Variants in MRC1 observed in about 807,000 individuals in gnomAD.
The protein encoded by MRC1 is mannose receptor C-type 1, also known as macrophage mannose receptor 1.
A neutral mutation model predicts 102.9 loss-of-function variants in MRC1; 62 were observed. That is an observed-to-expected ratio of 0.60 (90% CI 0.49 to 0.74). The LOEUF (loss-of-function observed/expected upper bound fraction) is 0.74. Among genes scored for constraint, MRC1 ranks in the 30% least tolerant of loss-of-function variants. The probability of loss-of-function intolerance (pLI) is 0.00; values close to 1 mark genes in which losing one functional copy is unlikely to be tolerated. For synonymous variants in MRC1, 457 were observed against 298.4 expected (o/e 1.53, Z -5.48); for missense variants, 1,237 against 862.8 (o/e 1.43, Z -5.43).
At chr10:17,874,408 A>G (rs935019862) in intron 16 of MRC1, among the ~76,000 whole-genome samples, 1 of 152,170 alleles carries the variant, frequency 6.6e-6, no homozygotes, top group East Asian at 1.9e-4. Flanking sequence ...GCCCCTCTGC[A>G]TAAGGATACT....
Position 17,829,679 on chromosome 10 carries a change from G to A in MRC1, c.637+1964G>A, listed in dbSNP as rs1283347560. 5.3e-5 allele frequency among the ~76,000 whole-genome samples: 8 copies of A among 151,612 alleles called. No individual in the cohort carries two copies. In the East Asian group the frequency reaches 1.5e-3, roughly 29 times the overall value. On this transcript the variant is annotated intron_variant, in intron 3 of 29. Coordinates refer to ENST00000569591, the MANE Select transcript of MRC1 (RefSeq NM_002438.4). ...AGTGTCTTTCTCCTTTACTTAATAGGAATGATATTTTCTTAATCTGTTTCA... is the reference window on the plus strand; with the variant it reads ...AGTGTCTTTCTCCTTTACTTAATAGAAATGATATTTTCTTAATCTGTTTCA...
chr10:17,886,081 A>G (rs1184991319), intron 22 of MRC1, among the ~76,000 whole-genome samples: 2 of 152,148 alleles, frequency 1.3e-5, no homozygotes, highest in Non-Finnish European at 2.9e-5. Context: ...AGTCTTATAT[A>G]AGAAGGAAGA....
chr10:17,867,373 T>C (rs1394880618), intron 12 of MRC1, among the ~76,000 whole-genome samples: 1 of 141,456 alleles, frequency 7.1e-6, no homozygotes, highest in Non-Finnish European at 1.5e-5. Flanking sequence ...TCCTTCTTCT[T>C]CTTCTTCTTC....
chr10:17,813,700 A>ATATATATATATAT (rs1401200082), intron 1 of MRC1, among the ~76,000 whole-genome samples: 25 of 125,690 alleles, frequency 2.0e-4, no homozygotes, highest in Middle Eastern at 8.1e-3. Flanking sequence ...ATATATATAT[A>ATATATATATATAT]TTTTTTTTTT....
intron 9 of MRC1, among the ~76,000 whole-genome samples, chr10:17,858,874 A>G (rs1166898210): frequency 1.3e-5 from 2 of 152,226 alleles, no homozygotes; most frequent in African/African-American, 4.8e-5. Flanking sequence ...AAAGTGACCC[A>G]TCATTAGTTT....
chr10:17,819,235 C>T (rs1371635308), intron 1 of MRC1, among the ~76,000 whole-genome samples: 1 of 152,080 alleles, frequency 6.6e-6, no homozygotes, highest in Admixed American at 6.6e-5. Context: ...CAGTGAAGAC[C>T]ACCTATTATA....
chr10:17,861,427 A>G lies in MRC1; in HGVS notation c.1559A>G (p.His520Arg), dbSNP rs1833182640. The G allele has an allele frequency of 2.3e-6, 2 of 872,452 alleles. No individual in the cohort carries two copies. The highest frequency in any genetic ancestry group is 2.4e-5 in the East Asian group (1 of 41,638). The allele number at this position is 872,452 out of a possible 1,614,324, so 54.0% of individuals were successfully genotyped here. Reference protein sequence around the residue: ...KHHFYCYMIGHTLSTFAEANQ... With the variant: ...KHHFYCYMIGRTLSTFAEANQ... ...CACTTTTACTGCTATATGATTGGACATACGCTTTCAACATTTGCAGAAGCA... is the reference window on the plus strand; with the variant it reads ...CACTTTTACTGCTATATGATTGGACGTACGCTTTCAACATTTGCAGAAGCA... Residue 520 changes from histidine to arginine, a missense_variant, in exon 10 of 30, where the codon CAT (histidine) becomes CGT (arginine). Coordinates refer to ENST00000569591, the MANE Select transcript of MRC1 (RefSeq NM_002438.4).
intron 7 of MRC1, among the ~76,000 whole-genome samples, chr10:17,851,955 T>C (rs937341332): frequency 1.1e-4 from 17 of 152,348 alleles, no homozygotes; most frequent in Non-Finnish European, 1.9e-4. Context: ...CAACATCATC[T>C]TTACAATACT....
chr10:17,908,766 A>G (rs987110906), intron 28 of MRC1, among the ~76,000 whole-genome samples: 17 of 151,992 alleles, frequency 1.1e-4, no homozygotes, highest in African/African-American at 3.6e-4. Flanking sequence ...ATGGGGTTTC[A>G]CTATGTTGGC....
intron 29 of MRC1, 72 bp downstream of exon 29, chr10:17,909,419 C>A (rs1833939358): frequency 7.5e-6 from 6 of 801,218 alleles, no homozygotes; most frequent in South Asian, 2.8e-5. Context: ...AAGGCATAAT[C>A]ATAATCCCTT....
At chr10:17,825,566 C>A (rs1838463008) in intron 2 of MRC1, among the ~76,000 whole-genome samples, 1 of 152,010 alleles carries the variant, frequency 6.6e-6, no homozygotes, top group Non-Finnish European at 1.5e-5. Context: ...CCTAGTGAGA[C>A]CTAAACAAAA....
intron 1 of MRC1, among the ~76,000 whole-genome samples, chr10:17,819,306 C>T (rs1004091515): frequency 3.7e-4 from 57 of 152,268 alleles, no homozygotes; most frequent in African/African-American, 1.3e-3. Context: ...TCCCAGAAAA[C>T]TGGGAGATCA....
chr10:17,900,641 G>C, intron 24 of MRC1, 147 bp from the exon 25 acceptor site: 1 of 711,872 alleles, frequency 1.4e-6, no homozygotes, highest in Non-Finnish European at 2.6e-6. Flanking sequence ...TGACAGAAAT[G>C]ATTTATAGTG....
At chr10:17,892,705 T>C (rs1244624855) in intron 22 of MRC1, among the ~76,000 whole-genome samples, 1 of 152,158 alleles carries the variant, frequency 6.6e-6, no homozygotes, top group Non-Finnish European at 1.5e-5. Flanking sequence ...AAAATTGATA[T>C]AGTCACCATA....
At chr10:17,817,789 A>G (rs1194753052) in intron 1 of MRC1, among the ~76,000 whole-genome samples, 1 of 152,228 alleles carries the variant, frequency 6.6e-6, no homozygotes, top group Non-Finnish European at 1.5e-5. Context: ...GGACAAAAAT[A>G]GAATGTTTAT....
chr10:17,890,427 G>A (rs1265442213), intron 22 of MRC1, among the ~76,000 whole-genome samples: 1 of 151,952 alleles, frequency 6.6e-6, no homozygotes, highest in Admixed American at 6.6e-5. Flanking sequence ...TTCCTTTCTC[G>A]TTTCCTTGGC....
chr10:17,838,721 C>G (rs1838707191), intron 4 of MRC1, among the ~76,000 whole-genome samples: 1 of 152,062 alleles, frequency 6.6e-6, no homozygotes, highest in Non-Finnish European at 1.5e-5. Context: ...CGCCTGTAAC[C>G]CCAGAGCCTT....
Position 17,910,198 on chromosome 10 carries a change from A to G in MRC1, c.4121-17A>G. On this transcript the variant is annotated splice_polypyrimidine_tract_variant and intron_variant, in intron 29 of 29. Coordinates refer to ENST00000569591, the MANE Select transcript of MRC1 (RefSeq NM_002438.4). The stretch of plus-strand genomic sequence containing the variant: ...GCCTCCCTCCACGTTTTCCATAATG[A>G]TTTTATTTATTTATAGCTGACACAA... 1.3e-6 allele frequency: 1 copy of G among 780,646 alleles called. No homozygotes were observed. 48.4% of individuals were successfully genotyped at this position (780,646 alleles called of 1,614,324 possible). A position where few individuals can be genotyped will look rare whatever the true frequency, so the allele number is the denominator to read the frequency against.
At chr10:17,879,673 T>G in intron 18 of MRC1, 48 bp from the exon 19 acceptor site, 1 of 780,838 alleles carries the variant, frequency 1.3e-6, no homozygotes, top group East Asian at 2.4e-5. Context: ...TGTATCCAAT[T>G]AGTCTAATGA....
Sources: gnomAD v4.1 joint callset for allele counts (sites outside exome capture counted in the v4.1 genomes callset) on GRCh38, gnomAD v4.1.1 for gene constraint, MANE v1.5 for transcripts, NCBI Gene and HGNC (gene_info 2026-07-23, HGNC 2026-07-21) for gene names.